The following MCOLN2 variants were observed in gnomAD, a reference collection of about 807,000 sequenced individuals.
MCOLN2 encodes mucolipin-2.
In MCOLN2, 57 loss-of-function variants were observed where a neutral mutation model predicts 67.5. The observed-to-expected ratio is 0.84, with a 90% CI of 0.68 to 1.05. The LOEUF (loss-of-function observed/expected upper bound fraction) is 1.05. Among genes scored for constraint, MCOLN2 ranks in the 50% least tolerant of loss-of-function variants. The probability of loss-of-function intolerance (pLI) is 0.00; values close to 1 mark genes in which losing one functional copy is unlikely to be tolerated. For synonymous variants in MCOLN2, 246 were observed against 233.3 expected (o/e 1.05, Z -0.50); for missense variants, 620 against 678.8 (o/e 0.91, Z 0.96).
At chr1:84,954,305 T>C (rs924640040) in intron 4 of MCOLN2, among the ~76,000 whole-genome samples, 3 of 152,106 alleles carry the variant, frequency 2.0e-5, no homozygotes, top group African/African-American at 7.2e-5. Flanking sequence ...GCAGATGGAG[T>C]ATTACACAAC....
At chr1:84,986,637 T>C (rs1650520739) in intron 1 of MCOLN2, among the ~76,000 whole-genome samples, 1 of 148,528 alleles carries the variant, frequency 6.7e-6, no homozygotes, top group Non-Finnish European at 1.5e-5. Flanking sequence ...AATCTATACA[T>C]CTGACAAAGG....
intron 6 of MCOLN2, 83 bp downstream of exon 6, chr1:84,952,160 G>A: frequency 1.2e-6 from 1 of 824,830 alleles, no homozygotes; most frequent in Non-Finnish European, 2.0e-6. Flanking sequence ...CACATCTGTA[G>A]GCTGCTGTGT....
intron 1 of MCOLN2, among the ~76,000 whole-genome samples, chr1:84,982,371 A>T (rs962728175): frequency 1.3e-5 from 2 of 152,218 alleles, no homozygotes; most frequent in African/African-American, 2.4e-5. Context: ...TCCTGGCCTC[A>T]AGCAAGCCTC....
rs939128736 is a variant in MCOLN2 at position 84,997,081 on chromosome 1, C to T, written c.-209G>A. 7 of 585,800 alleles carry T rather than the reference C, an allele frequency of 1.2e-5. No homozygotes were observed. The highest frequency in any genetic ancestry group is 3.1e-5 in the Admixed American group (1 of 32,656). 36.3% of individuals were successfully genotyped at this position (585,800 alleles called of 1,614,324 possible). A position where few individuals can be genotyped will look rare whatever the true frequency, so the allele number is the denominator to read the frequency against. ...CGCCGCAGTCGTGGAGTGCGGCGGGCAGTTCTCGGGCGGCTGAAAGGCGGC... is the reference window on the plus strand; with the variant it reads ...CGCCGCAGTCGTGGAGTGCGGCGGGTAGTTCTCGGGCGGCTGAAAGGCGGC... On this transcript the variant is annotated 5_prime_UTR_variant, in exon 1 of 14. Coordinates refer to ENST00000370608, the MANE Select transcript of MCOLN2 (RefSeq NM_153259.4).
chr1:84,946,002 G>A (rs147998387), intron 7 of MCOLN2, among the ~76,000 whole-genome samples: 5,899 of 152,218 alleles, frequency 0.039, 403 homozygotes, highest in African/African-American at 0.13. Context: ...ACCCGCGTAG[G>A]CCTCCCAAAG....
chr1:84,952,595 T>A, intron 4 of MCOLN2, 65 bp from the exon 5 acceptor site: 1 of 1,000,182 alleles, frequency 1.0e-6, no homozygotes, highest in Non-Finnish European at 1.6e-6. Context: ...AACTAATGGG[T>A]GAAAGTGTGA....
Position 84,929,663 on chromosome 1 carries a change from C to A in MCOLN2, c.1559G>T (p.Gly520Val). The A allele has an allele frequency of 6.2e-7, 1 of 1,613,354 alleles. No homozygotes were observed. Among genetic ancestry groups the A allele is most frequent in the Non-Finnish European group, 8.5e-7 (1 of 1,179,512 alleles). ...TTCCTGCAAATCCGTTTCAGGAAAC[C>A]CATTCTGTTGGAATTTCTTTAGAAA... ...YDTIKKFQQN[G>V]FPETDLQEFL... Residue 520 changes from glycine (G) to valine (V), a missense_variant, in exon 13 of 14, where the codon GGG becomes GTG. Coordinates refer to ENST00000370608, the MANE Select transcript of MCOLN2 (RefSeq NM_153259.4).
At chr1:84,927,191 T>C (rs944637535) in intron 13 of MCOLN2, among the ~76,000 whole-genome samples, 4 of 138,838 alleles carry the variant, frequency 2.9e-5, no homozygotes, top group African/African-American at 1.0e-4. Flanking sequence ...TATCCCAGAA[T>C]TTAAAGTAAA....
At position 84,956,544 on chromosome 1, in the gene MCOLN2, T is replaced by C; in HGVS notation, c.452A>G (p.Tyr151Cys). The C allele has an allele frequency of 6.2e-7, 1 of 1,610,362 alleles. No homozygotes were observed. The highest frequency in any genetic ancestry group is 8.5e-7 in the Non-Finnish European group (1 of 1,178,908). The change falls in exon 4 of 14, where the codon TAT (tyrosine) becomes TGT (cysteine). Residue 151 changes from tyrosine (Y) to cysteine (C), a missense_variant. Transcript: ENST00000370608. ...AATTCTATTGTCTTCATTTTCTCCA[T>C]AACCAAGGGTCCCCAGGGTAATGTC... ...LKDITLGTLG[Y>C]GENEDNRIGL...
At chr1:84,949,762 G>C (rs1009421350) in intron 6 of MCOLN2, among the ~76,000 whole-genome samples, 3 of 151,802 alleles carry the variant, frequency 2.0e-5, no homozygotes, top group Non-Finnish European at 2.9e-5. Flanking sequence ...GAGAGAATGA[G>C]ATGATATATT....
chr1:84,996,897 G>A lies in MCOLN2; in HGVS notation c.-25C>T, dbSNP rs1250343098. 11 of 1,607,788 alleles carry A rather than the reference G, an allele frequency of 6.8e-6. No homozygotes were observed. The highest frequency in any genetic ancestry group is 9.4e-6 in the Non-Finnish European group (11 of 1,174,286). ...TGCCTCCTCCTTCAAAACTTTCCAGGGCTCTCGGGATTCGGAACAGGAAAC... is the reference window on the plus strand; with the variant it reads ...TGCCTCCTCCTTCAAAACTTTCCAGAGCTCTCGGGATTCGGAACAGGAAAC... On this transcript the variant is annotated 5_prime_UTR_variant, in exon 1 of 14. Transcript: ENST00000370608.
intron 2 of MCOLN2, among the ~76,000 whole-genome samples, chr1:84,963,521 C>T (rs773579836): frequency 1.3e-5 from 2 of 152,124 alleles, no homozygotes; most frequent in Non-Finnish European, 2.9e-5. Flanking sequence ...ATTTGTGTCC[C>T]TGGCCAAATC....
chr1:84,953,939 G>C (rs190094736), intron 4 of MCOLN2, among the ~76,000 whole-genome samples: 1 of 152,310 alleles, frequency 6.6e-6, no homozygotes, highest in East Asian at 1.9e-4. Context: ...AAATGGAAAA[G>C]TTGGGGCCTT....
chr1:84,980,001 C>T lies in MCOLN2; in HGVS notation c.78-14293G>A, dbSNP rs539501895. On this transcript the variant is annotated intron_variant, in intron 1 of 13. Transcript: ENST00000370608. ...AGTTGCAGGACACAATATCAACATA[C>T]AAAAATCAGTAGCATTTCTATGTGC... 2.0e-5 allele frequency among the ~76,000 whole-genome samples: 3 copies of T among 152,160 alleles called. No individual in the cohort carries two copies. The East Asian group carries it at 5.8e-4, about 29-fold the overall frequency.
intron 1 of MCOLN2, among the ~76,000 whole-genome samples, chr1:84,978,147 G>T (rs499539): frequency 0.49 from 74,666 of 151,818 alleles, 18,577 homozygotes; most frequent in East Asian, 0.64. Context: ...AGTGGGTCAA[G>T]AAAGAAATTA....
intron 9 of MCOLN2, among the ~76,000 whole-genome samples, chr1:84,938,790 C>T (rs1178317592): frequency 6.6e-6 from 1 of 152,134 alleles, no homozygotes; most frequent in Non-Finnish European, 1.5e-5. Flanking sequence ...ACCCCAGGGG[C>T]CATGCTGCTG....
chr1:84,997,004 T>C lies in MCOLN2; in HGVS notation c.-132A>G, dbSNP rs1031789776. On this transcript the variant is annotated 5_prime_UTR_variant, in exon 1 of 14. Coordinates refer to ENST00000370608, the MANE Select transcript of MCOLN2 (RefSeq NM_153259.4). ...CCCTGCAAAGCGGGGTTCCCTTCTC[T>C]TACCCTTTCTGCCGGCCGCGTGGTG... 1 of 755,138 alleles carries C rather than the reference T, an allele frequency of 1.3e-6. No homozygotes were observed. Among genetic ancestry groups the C allele is most frequent in the Non-Finnish European group, 2.2e-6 (1 of 458,756 alleles). The allele number at this position is 755,138 out of a possible 1,614,324, so 46.8% of individuals were successfully genotyped here. A position where few individuals can be genotyped will look rare whatever the true frequency, so the allele number is the denominator to read the frequency against.
intron 1 of MCOLN2, among the ~76,000 whole-genome samples, chr1:84,973,904 A>C (rs1649864806): frequency 6.6e-6 from 1 of 152,196 alleles, no homozygotes; most frequent in Non-Finnish European, 1.5e-5. Flanking sequence ...AGAGGTAGAA[A>C]AAACAGTCCT....
intron 1 of MCOLN2, among the ~76,000 whole-genome samples, chr1:84,993,514 T>C (rs879081300): frequency 6.6e-6 from 1 of 152,156 alleles, no homozygotes; most frequent in Non-Finnish European, 1.5e-5. Context: ...ATGGCATCCA[T>C]GATGATGAAT....
Sources: gnomAD v4.1 joint callset for allele counts (sites outside exome capture counted in the v4.1 genomes callset) on GRCh38, gnomAD v4.1.1 for gene constraint, MANE v1.5 for transcripts, NCBI Gene and HGNC (gene_info 2026-07-23, HGNC 2026-07-21) for gene names.